Variants in TOP6BL observed in about 807,000 individuals in gnomAD.
TOP6BL encodes type 2 DNA topoisomerase 6 subunit B-like.
At chr11:66,761,239 C>T in the TOP6BL span, among the ~76,000 whole-genome samples, 6 of 152,002 alleles carry the variant, frequency 3.9e-5, no homozygotes, top group Admixed American at 1.3e-4. Flanking sequence ...GGCGTGGTGG[C>T]GGGCGCCTGT....
the TOP6BL span, chr11:66,744,840 C>CGGCGGCGGCG: frequency 4.5e-6 from 6 of 1,329,390 alleles, no homozygotes; most frequent in East Asian, 1.2e-4. Flanking sequence ...GCGGCGGCGG[C>CGGCGGCGGCG]GGCGGGCGGG....
chr11:66,761,846 T>G, the TOP6BL span: 1 of 909,854 alleles, frequency 1.1e-6, no homozygotes, highest in South Asian at 1.3e-5. Flanking sequence ...CTTGTCCAGC[T>G]TCATCCTCTG....
the TOP6BL span, among the ~76,000 whole-genome samples, chr11:66,766,021 T>G: frequency 1.3e-5 from 2 of 152,248 alleles, no homozygotes; most frequent in African/African-American, 2.4e-5. Context: ...TTACACTGTT[T>G]AGTTAGCTTC....
chr11:66,834,809 G>A, the TOP6BL span, among the ~76,000 whole-genome samples: 122 of 152,320 alleles, frequency 8.0e-4, no homozygotes, highest in Middle Eastern at 0.01. Flanking sequence ...AGCCTCCTGA[G>A]TAACTGGAAC....
chr11:66,828,591 A>G, the TOP6BL span: 6 of 462,242 alleles, frequency 1.3e-5, no homozygotes, highest in Non-Finnish European at 3.9e-6. Context: ...CATGTGTTGT[A>G]TCCAGGATTT....
chr11:66,789,745 G>A, the TOP6BL span, among the ~76,000 whole-genome samples: 1 of 152,160 alleles, frequency 6.6e-6, no homozygotes, highest in Non-Finnish European at 1.5e-5. Context: ...TATGAAGTGG[G>A]TAGGATGAGG....
the TOP6BL span, chr11:66,761,639 G>C: frequency 8.4e-7 from 1 of 1,188,846 alleles, no homozygotes; most frequent in Non-Finnish European, 1.2e-6. Flanking sequence ...GTGCTCCGGG[G>C]CTGTGCGAAG....
chr11:66,779,860 G>A, the TOP6BL span, among the ~76,000 whole-genome samples: 1 of 152,062 alleles, frequency 6.6e-6, no homozygotes. Flanking sequence ...GTCGTTTGTA[G>A]GGACATGGAT....
chr11:66,814,898 G>T, the TOP6BL span, among the ~76,000 whole-genome samples: 1 of 152,190 alleles, frequency 6.6e-6, no homozygotes, highest in African/African-American at 2.4e-5. Context: ...CTAAAAGCTG[G>T]AGGTTAATAA....
chr11:66,837,126 A>G, the TOP6BL span, among the ~76,000 whole-genome samples: 2 of 151,656 alleles, frequency 1.3e-5, no homozygotes, highest in Admixed American at 1.3e-4. Flanking sequence ...CACAAATTTT[A>G]TTTTATTTTT....
chr11:66,805,082 A>T, the TOP6BL span, among the ~76,000 whole-genome samples: 1 of 151,792 alleles, frequency 6.6e-6, no homozygotes, highest in Non-Finnish European at 1.5e-5. Flanking sequence ...AAATAAATTA[A>T]TTAAAGCCAG....
At chr11:66,747,600 G>A in the TOP6BL span, among the ~76,000 whole-genome samples, 2 of 152,082 alleles carry the variant, frequency 1.3e-5, no homozygotes, top group Admixed American at 1.3e-4. Context: ...GTGGTTTGGA[G>A]AGATTAAGTA....
chr11:66,777,279 T>TC, the TOP6BL span, among the ~76,000 whole-genome samples: 2 of 151,902 alleles, frequency 1.3e-5, no homozygotes, highest in African/African-American at 2.4e-5. Context: ...TTCTTTTTTT[T>TC]CCCCCATTAT....
At chr11:66,807,563 C>T in the TOP6BL span, among the ~76,000 whole-genome samples, 2 of 152,110 alleles carry the variant, frequency 1.3e-5, no homozygotes, top group Admixed American at 6.6e-5. Context: ...AAGAGTGAGA[C>T]TCCATCTCAA....
the TOP6BL span, among the ~76,000 whole-genome samples, chr11:66,753,588 A>G: frequency 6.7e-6 from 1 of 148,366 alleles, no homozygotes; most frequent in Non-Finnish European, 1.5e-5. Context: ...TTGTATTTTT[A>G]GTAGAGACGG....
the TOP6BL span, among the ~76,000 whole-genome samples, chr11:66,805,202 C>G: frequency 1.3e-5 from 2 of 152,102 alleles, no homozygotes; most frequent in Non-Finnish European, 1.5e-5. Context: ...ACACTGCACT[C>G]TAGCCTCGGT....
At chr11:66,824,356 C>T in the TOP6BL span, among the ~76,000 whole-genome samples, 1 of 151,406 alleles carries the variant, frequency 6.6e-6, no homozygotes, top group Non-Finnish European at 1.5e-5. Context: ...AGCAATTCTC[C>T]TGCCTCAGCC....
At chr11:66,779,013 C>G in the TOP6BL span, among the ~76,000 whole-genome samples, 13 of 152,138 alleles carry the variant, frequency 8.5e-5, no homozygotes, top group African/African-American at 2.9e-4. Flanking sequence ...AAAATTAATT[C>G]AAGATGGATT....
At chr11:66,811,054 T>C in the TOP6BL span, among the ~76,000 whole-genome samples, 1 of 151,594 alleles carries the variant, frequency 6.6e-6, no homozygotes, top group Non-Finnish European at 1.5e-5. Flanking sequence ...CCTAAGCTCG[T>C]GTGACCTTCC....
Sources: allele counts gnomAD v4.1 joint callset (sites outside exome capture counted in the v4.1 genomes callset), GRCh38; gene constraint gnomAD v4.1.1; transcripts MANE v1.5; gene names NCBI Gene and HGNC (gene_info 2026-07-23, HGNC 2026-07-21).